SAMD12: variants seen among roughly 807,000 people sequenced by gnomAD.
The protein encoded by SAMD12 is sterile alpha motif domain-containing protein 12.
SAMD12 carries 9 observed loss-of-function variants against 15.0 expected under a neutral mutation model. The ratio of observed to expected loss-of-function variants is 0.60; its 90% CI spans 0.36 to 1.05. The LOEUF (loss-of-function observed/expected upper bound fraction) is 1.05. SAMD12 is among the 50% of genes least tolerant of loss of function. The pLI is 0.01. For missense variants in SAMD12, 230 were observed against 234.2 expected, an observed-to-expected ratio of 0.98 and a Z score of 0.12; for synonymous variants, 86 against 90.1, an observed-to-expected ratio of 0.96 and a Z score of 0.25.
chr8:118,406,906 G>C (rs540855277), intron 3 of SAMD12, among the ~76,000 whole-genome samples: 1 of 151,956 alleles, frequency 6.6e-6, no homozygotes, highest in East Asian at 1.9e-4. Flanking sequence ...GTGTGTGTGT[G>C]TGTGTGTGTG....
chr8:118,194,451 G>C (rs1819499328), exon 5 of SAMD12: 1 of 152,106 alleles, frequency 6.6e-6, no homozygotes, highest in African/African-American at 2.4e-5. Context: ...TAGCAGGACT[G>C]GCAATGCTCT....
chr8:118,493,100 G>A (rs1387493058), intron 2 of SAMD12, among the ~76,000 whole-genome samples: 1 of 152,144 alleles, frequency 6.6e-6, no homozygotes, highest in Non-Finnish European at 1.5e-5. Context: ...TACAATTAAT[G>A]TTGTACTTGC....
chr8:118,379,679 G>GT lies in SAMD12; in HGVS notation c.343dup (p.Thr115AsnfsTer2). The GT allele has an allele frequency of 1.2e-6, 2 of 1,613,828 alleles. No homozygotes were observed. The highest frequency in any genetic ancestry group is 1.1e-5 in the South Asian group (1 of 91,072). The stretch of plus-strand genomic sequence containing the variant: ...CCCCATTCGCTCGAGCTTTTTGTCA[G>GT]TAAGTCTCAGCAGGGCTCGCCCTGC... On this transcript the variant is annotated frameshift_variant, in exon 4 of 4. Coordinates refer to ENST00000314727, the MANE Select transcript of SAMD12 (RefSeq NM_207506.3). LOFTEE classifies it low-confidence loss of function (END_TRUNC).
intron 2 of SAMD12, among the ~76,000 whole-genome samples, chr8:118,480,894 TCTC>T (rs1426243147): frequency 6.6e-6 from 1 of 152,074 alleles, no homozygotes; most frequent in Non-Finnish European, 1.5e-5. Flanking sequence ...CTCAACCTCT[TCTC>T]CATTGATCTT....
intron 3 of SAMD12, among the ~76,000 whole-genome samples, chr8:118,383,996 A>G (rs930197935): frequency 1.3e-5 from 2 of 152,146 alleles, no homozygotes; most frequent in Admixed American, 1.3e-4. Flanking sequence ...TGCTCTGAAG[A>G]AAAAGCAGAA....
At chr8:118,357,640 A>C (rs1183067766) in intron 4 of SAMD12, among the ~76,000 whole-genome samples, 1 of 152,248 alleles carries the variant, frequency 6.6e-6, no homozygotes, top group Non-Finnish European at 1.5e-5. Flanking sequence ...CATGGATATC[A>C]CATTGTACCC....
intron 4 of SAMD12, among the ~76,000 whole-genome samples, chr8:118,205,973 T>C (rs1237889875): frequency 6.6e-6 from 1 of 152,256 alleles, no homozygotes; most frequent in Non-Finnish European, 1.5e-5. Context: ...GTAAGGCCAC[T>C]AGTCTACTAC....
chr8:118,509,035 G>C (rs1251064302), intron 2 of SAMD12, among the ~76,000 whole-genome samples: 1 of 152,132 alleles, frequency 6.6e-6, no homozygotes, highest in Non-Finnish European at 1.5e-5. Flanking sequence ...TGGGAGGCAA[G>C]AGGATGATAA....
intron 4 of SAMD12, among the ~76,000 whole-genome samples, chr8:118,366,321 T>C (rs1345928648): frequency 2.0e-5 from 3 of 152,176 alleles, no homozygotes; most frequent in African/African-American, 7.2e-5. Flanking sequence ...ACATCCACAC[T>C]TCTGTCACAC....
At chr8:118,339,433 C>T (rs1249439433) in intron 4 of SAMD12, among the ~76,000 whole-genome samples, 2 of 152,274 alleles carry the variant, frequency 1.3e-5, no homozygotes, top group African/African-American at 2.4e-5. Context: ...GACAATTCCT[C>T]GAAATGCATG....
At chr8:118,362,519 G>C (rs1027799673) in intron 4 of SAMD12, among the ~76,000 whole-genome samples, 1 of 152,198 alleles carries the variant, frequency 6.6e-6, no homozygotes, top group Admixed American at 6.5e-5. Context: ...CCAACCACAT[G>C]ATAGAAATGG....
chr8:118,164,873 A>T, the SAMD12 span, among the ~76,000 whole-genome samples: 1 of 151,848 alleles, frequency 6.6e-6, no homozygotes, highest in African/African-American at 2.4e-5. Flanking sequence ...ACCTATGCAT[A>T]TATGCATTCC....
intron 1 of SAMD12, among the ~76,000 whole-genome samples, chr8:118,600,772 C>A (rs1827843342): frequency 6.6e-6 from 1 of 152,086 alleles, no homozygotes; most frequent in Non-Finnish European, 1.5e-5. Context: ...CACATTTCTC[C>A]CAAGCCATTT....
At chr8:118,342,528 A>G (rs890097236) in intron 4 of SAMD12, among the ~76,000 whole-genome samples, 3 of 152,192 alleles carry the variant, frequency 2.0e-5, no homozygotes, top group Non-Finnish European at 4.4e-5. Context: ...TTACAGTCCG[A>G]TAAAGAATAT....
chr8:118,323,385 T>C (rs75860712), intron 4 of SAMD12, among the ~76,000 whole-genome samples: 3,252 of 152,116 alleles, frequency 0.021, 118 homozygotes, highest in African/African-American at 0.066. Flanking sequence ...AGAAAACAAA[T>C]GTCTAGTAGA....
chr8:118,596,809 C>T (rs770284797), intron 1 of SAMD12, among the ~76,000 whole-genome samples: 66 of 152,118 alleles, frequency 4.3e-4, no homozygotes, highest in Non-Finnish European at 2.5e-4. Flanking sequence ...TCCATGCCTA[C>T]GAAAACTAAG....
At chr8:118,437,362 A>G (rs1290780987) in intron 3 of SAMD12, among the ~76,000 whole-genome samples, 1 of 152,132 alleles carries the variant, frequency 6.6e-6, no homozygotes, top group Non-Finnish European at 1.5e-5. Flanking sequence ...TCTGTTCCCT[A>G]AGTCCCCAAG....
downstream of SAMD12, among the ~76,000 whole-genome samples, chr8:118,373,824 A>G (rs927435839): frequency 1.3e-5 from 2 of 152,134 alleles, no homozygotes; most frequent in Non-Finnish European, 2.9e-5. Flanking sequence ...CTTTCTACGT[A>G]TTTGCAGCCA....
At chr8:118,398,077 C>T (rs1820673019) in intron 3 of SAMD12, among the ~76,000 whole-genome samples, 1 of 152,162 alleles carries the variant, frequency 6.6e-6, no homozygotes, top group Non-Finnish European at 1.5e-5. Context: ...GTGTGAGCCA[C>T]CACGCCAAGC....
Sources: gnomAD v4.1 joint callset for allele counts (sites outside exome capture counted in the v4.1 genomes callset) on GRCh38, gnomAD v4.1.1 for gene constraint, MANE v1.5 for transcripts, NCBI Gene and HGNC (gene_info 2026-07-23, HGNC 2026-07-21) for gene names.